ATL2: variants seen among roughly 807,000 people sequenced by gnomAD.
ATL2 encodes the protein atlastin GTPase 2, also known as atlastin-2.
ATL2 carries 31 observed loss-of-function variants against 73.9 expected under a neutral mutation model. That is an observed-to-expected ratio of 0.42 (90% CI 0.32 to 0.57). The LOEUF is 0.57. Among genes scored for constraint, ATL2 ranks in the 20% least tolerant of loss-of-function variants. The pLI, the probability that ATL2 is intolerant of heterozygous loss-of-function variation, is 0.14. For synonymous variants in ATL2, 291 were observed against 237.5 expected (o/e 1.23, Z -2.07); for missense variants, 738 against 702.6 (o/e 1.05, Z -0.57).
chr2:38,368,901 C>G (rs1403006842), intron 1 of ATL2, among the ~76,000 whole-genome samples: 1 of 152,102 alleles, frequency 6.6e-6, no homozygotes, highest in Non-Finnish European at 1.5e-5. Context: ...CTAGCCTGGG[C>G]AACATAGTGA....
At chr2:38,324,097 G>C (rs1338637968) in intron 2 of ATL2, among the ~76,000 whole-genome samples, 2 of 152,258 alleles carry the variant, frequency 1.3e-5, no homozygotes, top group East Asian at 1.9e-4. Flanking sequence ...CCAACATGGA[G>C]ATACCCAGTC....
At chr2:38,344,478 C>T (rs1250531831) in intron 1 of ATL2, among the ~76,000 whole-genome samples, 2 of 151,982 alleles carry the variant, frequency 1.3e-5, no homozygotes, top group Non-Finnish European at 2.9e-5. Context: ...GGCATGGTAG[C>T]GGGCGCCTGT....
chr2:38,320,146 C>T (rs1448253361), intron 2 of ATL2, among the ~76,000 whole-genome samples: 1 of 152,094 alleles, frequency 6.6e-6, no homozygotes, highest in African/African-American at 2.4e-5. Context: ...AAAATAACCC[C>T]AAGACTTGTT....
chr2:38,315,323 C>A lies in ATL2; in HGVS notation c.615G>T (p.Leu205=). ...GATCATCTTCTTGAATATTCTGAGA[C>A]AGATTATATACCTGTTGAAACAAAA... The part of the protein sequence containing the change: ...TMTSSVQVYN[L]SQNIQEDDLQ... The change falls in exon 5 of 13, where the codon CTG becomes CTT. Residue 205 remains leucine (L), a synonymous_variant. Coordinates refer to ENST00000378954, the MANE Select transcript of ATL2 (RefSeq NM_001135673.4). The A allele has an allele frequency of 1.3e-6, 2 of 1,496,978 alleles. No homozygotes were observed. The highest frequency in any genetic ancestry group is 2.8e-5 in the South Asian group (2 of 72,066). The allele number at this position is 1,496,978 out of a possible 1,614,324, so 92.7% of individuals were successfully genotyped here.
chr2:38,309,655 A>C, intron 8 of ATL2, 149 bp from the exon 9 acceptor site: 1 of 816,286 alleles, frequency 1.2e-6, no homozygotes, highest in East Asian at 2.9e-5. Context: ...CTCATCCAAC[A>C]TGCCATATCT....
intron 8 of ATL2, among the ~76,000 whole-genome samples, chr2:38,309,813 T>C (rs944292033): frequency 2.0e-5 from 3 of 152,186 alleles, no homozygotes; most frequent in Non-Finnish European, 4.4e-5. Flanking sequence ...GAAAATGTCC[T>C]TTTCAAGAGG....
At chr2:38,338,299 G>A (rs1027246333) in intron 2 of ATL2, among the ~76,000 whole-genome samples, 13 of 150,958 alleles carry the variant, frequency 8.6e-5, no homozygotes, top group Admixed American at 5.3e-4. Flanking sequence ...ACAACGGGGA[G>A]TACTAGAGGG....
intron 1 of ATL2, among the ~76,000 whole-genome samples, chr2:38,365,746 C>G (rs943804757): frequency 2.0e-5 from 3 of 151,926 alleles, no homozygotes; most frequent in African/African-American, 7.3e-5. Flanking sequence ...TTGTAGTGAG[C>G]AGAGATCATT....
At chr2:38,317,168 G>C (rs959635205) in intron 4 of ATL2, among the ~76,000 whole-genome samples, 7 of 151,930 alleles carry the variant, frequency 4.6e-5, no homozygotes, top group African/African-American at 1.7e-4. Flanking sequence ...AAAAATCCAA[G>C]ACACTGTGAC....
At chr2:38,349,547 T>TAGCATTAGGAGTATACCTAATGCTAA in intron 1 of ATL2, among the ~76,000 whole-genome samples, 1 of 134,436 alleles carries the variant, frequency 7.4e-6, no homozygotes, top group Non-Finnish European at 1.6e-5. Context: ...GGGGGAGGGA[T>TAGCATTAGGAGTATACCTAATGCTAA]AGCATTAGGA....
intron 12 of ATL2, chr2:38,296,811 A>G: frequency 6.8e-7 from 1 of 1,469,652 alleles, no homozygotes; most frequent in Non-Finnish European, 9.2e-7. Flanking sequence ...AAATGATTTT[A>G]TACACTTTAG....
intron 7 of ATL2, among the ~76,000 whole-genome samples, chr2:38,312,556 A>C: frequency 6.6e-6 from 1 of 152,098 alleles, no homozygotes; most frequent in African/African-American, 2.4e-5. Context: ...TAAAAAATAC[A>C]AAAAATATGC....
At chr2:38,339,443 A>G (rs985636593) in intron 2 of ATL2, among the ~76,000 whole-genome samples, 2 of 152,190 alleles carry the variant, frequency 1.3e-5, no homozygotes, top group African/African-American at 4.8e-5. Flanking sequence ...AATGAATCAC[A>G]CTAATGATAA....
At chr2:38,374,162 G>C (rs1008629740) in intron 1 of ATL2, among the ~76,000 whole-genome samples, 2 of 152,174 alleles carry the variant, frequency 1.3e-5, no homozygotes, top group Non-Finnish European at 2.9e-5. Context: ...AAAGTGCTGG[G>C]ATTACAGGCG....
chr2:38,337,609 CTTATTT>C (rs1669445191), intron 2 of ATL2, among the ~76,000 whole-genome samples: 2 of 147,304 alleles, frequency 1.4e-5, no homozygotes. Context: ...CAAAAAAGTC[CTTATTT>C]TTAAGAGACA....
intron 1 of ATL2, among the ~76,000 whole-genome samples, chr2:38,367,028 G>C (rs948342521): frequency 1.3e-5 from 2 of 151,898 alleles, no homozygotes; most frequent in African/African-American, 4.8e-5. Flanking sequence ...TTTAGCAACA[G>C]AGTCTCACTA....
Position 38,343,483 on chromosome 2 carries a change from T to A in ATL2, c.148A>T (p.Asn50Tyr). Reference protein sequence around the residue: ...GENYEDDDLVNSDEVMKKPCP... With the variant: ...GENYEDDDLVYSDEVMKKPCP... ...GGTTTCTTCATAACCTCATCAGAAT[T>A]TACTAGGTCATCATCTTCATAATTC... Residue 50 changes from asparagine (N) to tyrosine (Y), a missense_variant, in exon 2 of 13, where the codon AAT becomes TAT. Transcript: ENST00000378954. 1 of 1,607,210 alleles carries A rather than the reference T, an allele frequency of 6.2e-7. No individual in the cohort carries two copies. Among genetic ancestry groups the A allele is most frequent in the Non-Finnish European group, 8.5e-7 (1 of 1,176,066 alleles).
chr2:38,314,233 T>C (rs1180616549), intron 6 of ATL2, among the ~76,000 whole-genome samples: 1 of 152,202 alleles, frequency 6.6e-6, no homozygotes, highest in African/African-American at 2.4e-5. Context: ...GTAACAGAAC[T>C]AATTTCAACT....
chr2:38,317,884 T>C (rs1253081263), intron 4 of ATL2, among the ~76,000 whole-genome samples: 1 of 151,994 alleles, frequency 6.6e-6, no homozygotes, highest in African/African-American at 2.4e-5. Flanking sequence ...CTATCCAAAG[T>C]ACAAAATTTC....
Sources: gnomAD v4.1 joint callset for allele counts (sites outside exome capture counted in the v4.1 genomes callset) on GRCh38, gnomAD v4.1.1 for gene constraint, MANE v1.5 for transcripts, NCBI Gene and HGNC (gene_info 2026-07-23, HGNC 2026-07-21) for gene names.